SLC6A3: variants seen among roughly 807,000 people sequenced by gnomAD.
SLC6A3 encodes the protein solute carrier family 6 member 3, also known as sodium-dependent dopamine transporter.
SLC6A3 carries 19 observed loss-of-function variants against 70.4 expected under a neutral mutation model. The ratio of observed to expected loss-of-function variants is 0.27; its 90% CI spans 0.19 to 0.40. The LOEUF (loss-of-function observed/expected upper bound fraction) is 0.40, where lower values mean the gene tolerates loss of function less well. Ranked by LOEUF, SLC6A3 falls within the 10% of genes least tolerant of loss-of-function variation. SLC6A3 has a pLI of 1.00. For synonymous variants in SLC6A3, 368 were observed against 356.6 expected, an observed-to-expected ratio of 1.03 and a Z score of -0.36; for missense variants, 613 against 838.5, an observed-to-expected ratio of 0.73 and a Z score of 3.32.
At chr5:1,398,126 A>T (rs902311425) in intron 14 of SLC6A3, among the ~76,000 whole-genome samples, 1 of 152,152 alleles carries the variant, frequency 6.6e-6, no homozygotes, top group Non-Finnish European at 1.5e-5. Context: ...TCTGGGAGGC[A>T]GAGGTGGGCA....
rs1055209115 is a variant in SLC6A3 at position 1,442,729 on chromosome 5, A to G, written c.286+183T>C. Among the ~76,000 whole-genome samples, 4 of 151,872 alleles carry G rather than the reference A, an allele frequency of 2.6e-5. No individual in the cohort carries two copies. The highest frequency in any genetic ancestry group is 2.0e-4 in the Admixed American group (3 of 15,274). On this transcript the variant is annotated intron_variant, in intron 2 of 14. Coordinates refer to ENST00000270349, the MANE Select transcript of SLC6A3 (RefSeq NM_001044.5). The surrounding 1 kb of genome is among the most constrained non-coding windows in gnomAD (Gnocchi z 5.0). ...GCAGGCGTGGGACAAGGCAGCTCCG[A>G]GTCCTGCTCAATGGTTTTGTGACAT...
At chr5:1,426,257 G>T (rs147278051) in intron 4 of SLC6A3, among the ~76,000 whole-genome samples, 76 of 152,324 alleles carry the variant, frequency 5.0e-4, no homozygotes, top group African/African-American at 1.8e-3. Context: ...AAATAGATCT[G>T]GCCAGGTGTG....
rs1004818472 is a variant in SLC6A3, at chr5:1,421,405, G to A, written c.792+471C>T. Among the ~76,000 whole-genome samples, 2 of 152,106 alleles carry A rather than the reference G, an allele frequency of 1.3e-5. No homozygotes were observed. The highest frequency in any genetic ancestry group is 4.8e-5 in the African/African-American group (2 of 41,402). On this transcript the variant is annotated intron_variant, in intron 5 of 14. Transcript: ENST00000270349. The surrounding 1 kb of genome is among the most constrained non-coding windows in gnomAD (Gnocchi z 7.2). ...TTGGCCAGGCTGTTCTTGAACCCCT[G>A]ACCTCAGGTGATCTGCCCGTCTCAG...
At chr5:1,395,425 AGGGGCATGC>A (rs1454020037) in intron 14 of SLC6A3, among the ~76,000 whole-genome samples, 7 of 142,042 alleles carry the variant, frequency 4.9e-5, no homozygotes, top group Non-Finnish European at 8.2e-5. Context: ...ATTTCCAAAC[AGGGGCATGC>A]GGGGCTTGCT....
In SLC6A3 at chr5:1,402,197, C is replaced by T. The variant is rs1755866150; in HGVS notation, c.1767+725G>A. 2.6e-5 allele frequency among the ~76,000 whole-genome samples: 4 copies of T among 151,768 alleles called. No homozygotes were observed. Among genetic ancestry groups the T allele is most frequent in the African/African-American group, 7.3e-5 (3 of 41,256 alleles). ...TTTGAGGAAGCAGCTTCCGGGAGTTCCCAGTGGTGGGATCTCAGGTGAGGG... is the reference window on the plus strand; with the variant it reads ...TTTGAGGAAGCAGCTTCCGGGAGTTTCCAGTGGTGGGATCTCAGGTGAGGG... On this transcript the variant is annotated intron_variant, in intron 13 of 14. Transcript: ENST00000270349. The surrounding 1 kb of genome is among the most constrained non-coding windows in gnomAD (Gnocchi z 8.5).
At position 1,438,104 on chromosome 5, in the gene SLC6A3, G is replaced by A. The variant is rs1356956737; in HGVS notation, c.418+3255C>T. On this transcript the variant is annotated intron_variant, in intron 3 of 14. Coordinates refer to ENST00000270349, the MANE Select transcript of SLC6A3 (RefSeq NM_001044.5). The surrounding 1 kb of genome is among the most constrained non-coding windows in gnomAD (Gnocchi z 6.5). ...CGTTACTGAGATTCAACAACTCAAG[G>A]TGTCTCGTCTCTAAAAAGAAGTCCA... is the stretch of plus-strand genomic sequence containing the variant. Among the ~76,000 whole-genome samples, 1 of 152,202 alleles carries A rather than the reference G, an allele frequency of 6.6e-6. No homozygotes were observed. Among genetic ancestry groups the A allele is most frequent in the Admixed American group, 6.5e-5 (1 of 15,284 alleles).
chr5:1,412,994 A>G (rs1297445208), intron 8 of SLC6A3, among the ~76,000 whole-genome samples: 1 of 152,242 alleles, frequency 6.6e-6, no homozygotes, highest in African/African-American at 2.4e-5. Context: ...TCATCAGCTC[A>G]GGGAATGTAA....
At chr5:1,395,800 C>T (rs1306161512) in intron 14 of SLC6A3, among the ~76,000 whole-genome samples, 1 of 152,228 alleles carries the variant, frequency 6.6e-6, no homozygotes, top group Admixed American at 6.5e-5. Context: ...GAGTCCTGTT[C>T]CCCCCAGGGT....
At chr5:1,403,408 C>A (rs1265376597) in intron 12 of SLC6A3, among the ~76,000 whole-genome samples, 1 of 125,648 alleles carries the variant, frequency 8.0e-6, no homozygotes, top group South Asian at 3.2e-4. Flanking sequence ...CTGTTCCATC[C>A]CCTCTCCTCC....
intron 4 of SLC6A3, 45 bp from the exon 5 acceptor site, chr5:1,422,059 C>G (rs967901910): frequency 3.8e-6 from 6 of 1,595,882 alleles, no homozygotes; most frequent in Non-Finnish European, 4.3e-6. Flanking sequence ...GGCTGTCAAC[C>G]CACCTGGAAC....
rs557892643 is a variant in SLC6A3 at position 1,430,199 on chromosome 5, C to T, written c.653+2265G>A. Among the ~76,000 whole-genome samples, 5 of 152,296 alleles carry T rather than the reference C, an allele frequency of 3.3e-5. No individual in the cohort carries two copies. In the East Asian group the frequency reaches 9.7e-4, roughly 29 times the overall value. ...CCTGGCGCCCCAGCCTGGACTCTCT[C>T]TCCTCCTGCTGGGTACTTGGTGGGC... On this transcript the variant is annotated intron_variant, in intron 4 of 14. Coordinates refer to ENST00000270349, the MANE Select transcript of SLC6A3 (RefSeq NM_001044.5).
intron 14 of SLC6A3, among the ~76,000 whole-genome samples, chr5:1,395,909 C>T (rs975936892): frequency 6.6e-6 from 1 of 152,208 alleles, no homozygotes; most frequent in African/African-American, 2.4e-5. Flanking sequence ...TAAGATCAAG[C>T]CATAAATGTA....
At chr5:1,416,508 C>T (rs1167891507) in intron 6 of SLC6A3, 2 of 507,784 alleles carry the variant, frequency 3.9e-6, no homozygotes, top group East Asian at 3.7e-5. Context: ...GCCCTCAGAA[C>T]AGCATGGACT....
At position 1,393,768 on chromosome 5, in the gene SLC6A3, G is replaced by C. The variant is rs1198981959; in HGVS notation, c.*967C>G. Reference sequence around the variant, plus strand: ...CCTGTGGGGGCCCTGCATGCGTCCTGGGGTAGTACACGCTCCAGTGGGGGC... The same window carrying C: ...CCTGTGGGGGCCCTGCATGCGTCCTCGGGTAGTACACGCTCCAGTGGGGGC... On this transcript the variant is annotated 3_prime_UTR_variant, in exon 15 of 15. Coordinates refer to ENST00000270349, the MANE Select transcript of SLC6A3 (RefSeq NM_001044.5). The C allele has an allele frequency of 1.4e-5, 2 of 142,348 alleles. No individual in the cohort carries two copies. The highest frequency in any genetic ancestry group is 5.5e-5 in the African/African-American group (2 of 36,416). The allele number at this position is 142,348 out of a possible 1,614,324, so 8.8% of individuals were successfully genotyped here.
chr5:1,415,226 C>CT (rs567550558), intron 7 of SLC6A3, among the ~76,000 whole-genome samples: 256 of 152,290 alleles, frequency 1.7e-3, no homozygotes, highest in Middle Eastern at 3.4e-3. Flanking sequence ...CCCAAGGGCG[C>CT]TGGTGCTGCG....
intron 4 of SLC6A3, among the ~76,000 whole-genome samples, chr5:1,425,375 C>T (rs1162807932): frequency 6.6e-6 from 1 of 152,228 alleles, no homozygotes; most frequent in African/African-American, 2.4e-5. Context: ...CTAACACTCT[C>T]TAAACAAAGA....
At chr5:1,410,164 C>T (rs1205667648) in intron 9 of SLC6A3, among the ~76,000 whole-genome samples, 2 of 152,230 alleles carry the variant, frequency 1.3e-5, no homozygotes, top group African/African-American at 2.4e-5. Flanking sequence ...ACTGCTGCTG[C>T]ACGGGCTCAG....
chr5:1,414,629 T>G, intron 8 of SLC6A3, 62 bp downstream of exon 8: 2 of 1,590,124 alleles, frequency 1.3e-6, no homozygotes, highest in Non-Finnish European at 1.7e-6. Context: ...GAAAAAGGCT[T>G]TGCTGAGAGC....
At chr5:1,420,809 G>GGCCTCCCAATCA in intron 5 of SLC6A3, 106 bp from the exon 6 acceptor site, 1 of 1,225,924 alleles carries the variant, frequency 8.2e-7, no homozygotes, top group Non-Finnish European at 1.2e-6. Flanking sequence ...CCTCTGATTG[G>GGCCTCCCAATCA]GAGGCCCAAT....
Sources: allele counts gnomAD v4.1 joint callset (sites outside exome capture counted in the v4.1 genomes callset), GRCh38; gene constraint gnomAD v4.1.1; non-coding constraint Gnocchi (gnomAD v3.1); transcripts MANE v1.5; gene names NCBI Gene and HGNC (gene_info 2026-07-23, HGNC 2026-07-21).